NHSL1: variants seen among roughly 807,000 people sequenced by gnomAD.
NHSL1 encodes NHS like 1.
In NHSL1, 48 loss-of-function variants were observed where a neutral mutation model predicts 95.0. The observed-to-expected ratio is 0.51, with a 90% confidence interval of 0.40 to 0.64. The LOEUF is 0.64. Among genes scored for constraint, NHSL1 ranks in the 30% least tolerant of loss-of-function variants. NHSL1 has a pLI of 0.00. For synonymous variants in NHSL1, 783 were observed against 833.9 expected (o/e 0.94, Z 1.05); for missense variants, 1,971 against 2,077.7 (o/e 0.95, Z 1.00).
At chr6:138,621,496 GT>G (rs1237084422) in intron 1 of NHSL1, among the ~76,000 whole-genome samples, 1 of 149,968 alleles carries the variant, frequency 6.7e-6, no homozygotes, top group African/African-American at 2.5e-5. Context: ...CCCCCAAGAT[GT>G]AGCCTTGCTC....
At chr6:138,657,901 T>C (rs1455445270) in intron 1 of NHSL1, among the ~76,000 whole-genome samples, 5 of 148,836 alleles carry the variant, frequency 3.4e-5, no homozygotes, top group Admixed American at 2.0e-4. Flanking sequence ...AGTTTTAAGA[T>C]ATAATTAAAT....
intron 1 of NHSL1, among the ~76,000 whole-genome samples, chr6:138,670,781 A>C (rs950914445): frequency 1.3e-5 from 2 of 152,228 alleles, no homozygotes; most frequent in African/African-American, 4.8e-5. Context: ...CAAGAACAAC[A>C]AAACAAGCTC....
rs986803284 is a variant in NHSL1 at position 138,510,064 on chromosome 6, TCTAA to T, written c.17-13697_17-13694del. ...TGAAGGCAAATCAGATTTATCACTGTCTAACTTCTTCCCAATTAATAATCAATAA... is the reference window on the plus strand; with the variant it reads ...TGAAGGCAAATCAGATTTATCACTGTCTTCTTCCCAATTAATAATCAATAA... On this transcript the variant is annotated intron_variant, in intron 1 of 4. Transcript: ENST00000342260. Among the ~76,000 whole-genome samples the T allele has an allele frequency of 3.3e-5, 5 of 152,308 alleles. No individual in the cohort carries two copies. In the East Asian group the frequency reaches 5.8e-4, roughly 18 times the overall value.
In NHSL1 at chr6:138,431,816, G is replaced by C; in HGVS notation, c.2529C>G (p.His843Gln). ...ACCCACTGGATGGAGAAATGACTCT[G>C]TGTGACTTCTCTGGTGACATGATCT... ...KPKIMSPEKS[H>Q]RVISPSSGYS... The change falls in exon 6 of 8, where the codon CAC (histidine) becomes CAG (glutamine). Residue 843 changes from histidine to glutamine, a missense_variant. Around this residue, in one of 3 missense-constraint regions of NHSL1, gnomAD observed 1,602 missense variants for 1,654.5 expected, o/e 0.97. Coordinates refer to ENST00000343505, the MANE Select transcript of NHSL1 (RefSeq NM_001144060.2). The surrounding 1 kb of genome is among the most constrained non-coding windows in gnomAD (Gnocchi z 4.0). 6.4e-7 allele frequency: 1 copy of C among 1,551,722 alleles called. No individual in the cohort carries two copies. The highest frequency in any genetic ancestry group is 8.7e-7 in the Non-Finnish European group (1 of 1,146,984).
intron 1 of NHSL1, among the ~76,000 whole-genome samples, chr6:138,537,971 T>C (rs1360825093): frequency 6.6e-6 from 1 of 152,174 alleles, no homozygotes; most frequent in Admixed American, 6.5e-5. Context: ...ACATGGTAAG[T>C]GCTCATCAAC....
At chr6:138,467,709 T>A (rs1778484837) in intron 3 of NHSL1, among the ~76,000 whole-genome samples, 1 of 152,116 alleles carries the variant, frequency 6.6e-6, no homozygotes, top group Non-Finnish European at 1.5e-5. Context: ...TAGTGTTTAA[T>A]AAAAAAGTTT....
intron 1 of NHSL1, among the ~76,000 whole-genome samples, chr6:138,552,252 C>A (rs958208967): frequency 6.6e-6 from 1 of 152,150 alleles, no homozygotes; most frequent in Non-Finnish European, 1.5e-5. Flanking sequence ...AACCTCGTCT[C>A]TACTCAAAAT....
chr6:138,606,301 T>A (rs1193238771), intron 1 of NHSL1, among the ~76,000 whole-genome samples: 2 of 152,200 alleles, frequency 1.3e-5, no homozygotes, highest in Non-Finnish European at 2.9e-5. Context: ...CCATCTGCGA[T>A]AGAGTATGAT....
rs10687521 is a variant in NHSL1 at position 138,609,749 on chromosome 6, C to CAAAAAAAAAA, written c.96+82717_96+82726dup. On this transcript the variant is annotated intron_variant, in intron 1 of 3. Coordinates refer to the NHSL1 transcript ENST00000491526. ...TGGGAGACAGAGCAAGACTCTGTCTCAAAAAAAAAAAAAAAAATAGTGCTA... is the reference window on the plus strand; with the variant it reads ...TGGGAGACAGAGCAAGACTCTGTCTCAAAAAAAAAAAAAAAAAAAAAAAAAAATAGTGCTA... Among the ~76,000 whole-genome samples the CAAAAAAAAAA allele has an allele frequency of 1.3e-3, 139 of 106,182 alleles. 3 individuals carry two copies. The highest frequency in any genetic ancestry group is 4.1e-3 in the African/African-American group (117 of 28,226). 69.7% of individuals were successfully genotyped at this position (106,182 alleles called of 152,430 possible).
chr6:138,494,889 A>G (rs1780261476), intron 2 of NHSL1, among the ~76,000 whole-genome samples: 1 of 152,186 alleles, frequency 6.6e-6, no homozygotes, highest in South Asian at 2.1e-4. Flanking sequence ...TTGAAGAACT[A>G]CTTTCCTTCT....
upstream of NHSL1, among the ~76,000 whole-genome samples, chr6:138,574,424 A>T (rs190596462): frequency 2.0e-5 from 3 of 152,260 alleles, no homozygotes; most frequent in Admixed American, 2.0e-4. Flanking sequence ...TCACTGGTTC[A>T]CGAGACCCCC....
chr6:138,531,963 G>C (rs555317062), intron 1 of NHSL1, among the ~76,000 whole-genome samples: 37 of 152,080 alleles, frequency 2.4e-4, no homozygotes, highest in Non-Finnish European at 4.4e-4. Flanking sequence ...TACCCTCTAG[G>C]TTCTTATTGC....
intron 4 of NHSL1, among the ~76,000 whole-genome samples, chr6:138,445,020 G>C (rs1186262203): frequency 6.6e-6 from 1 of 152,022 alleles, no homozygotes; most frequent in East Asian, 1.9e-4. Context: ...CATTTTAAAG[G>C]CCTCTCTTTA....
intron 1 of NHSL1, among the ~76,000 whole-genome samples, chr6:138,560,664 A>C (rs9495132): frequency 0.02 from 2,986 of 152,276 alleles, 94 homozygotes; most frequent in African/African-American, 0.068. Flanking sequence ...ACAGCAACCA[A>C]ACTAAGCACC....
intron 2 of NHSL1, among the ~76,000 whole-genome samples, chr6:138,476,836 G>GA (rs1157190445): frequency 1.3e-5 from 2 of 149,738 alleles, no homozygotes; most frequent in Non-Finnish European, 3.0e-5. Context: ...TCAGAAAAAA[G>GA]AAAAAAAATT....
At chr6:138,438,631 C>G (rs1470283079) in intron 5 of NHSL1, among the ~76,000 whole-genome samples, 2 of 152,008 alleles carry the variant, frequency 1.3e-5, no homozygotes, top group Admixed American at 6.6e-5. Flanking sequence ...ACATAATGTA[C>G]AGAAATAATT....
intron 2 of NHSL1, among the ~76,000 whole-genome samples, chr6:138,473,683 C>T (rs1290695630): frequency 6.6e-6 from 1 of 152,024 alleles, no homozygotes; most frequent in African/African-American, 2.4e-5. Flanking sequence ...CACAACCATC[C>T]TGTGAGGTAG....
chr6:138,493,901 T>C (rs1780208646), intron 2 of NHSL1, among the ~76,000 whole-genome samples: 1 of 152,038 alleles, frequency 6.6e-6, no homozygotes, highest in Non-Finnish European at 1.5e-5. Context: ...ACGAATGCCA[T>C]TCTTCTTATT....
chr6:138,660,087 C>G (rs1157013136), intron 1 of NHSL1, among the ~76,000 whole-genome samples: 1 of 152,198 alleles, frequency 6.6e-6, no homozygotes, highest in Non-Finnish European at 1.5e-5. Flanking sequence ...ATTCCTCTTA[C>G]TCCGTGGCTG....
Sources: gnomAD v4.1 joint callset for allele counts (sites outside exome capture counted in the v4.1 genomes callset) on GRCh38, gnomAD v4.1.1 for gene constraint, gnomAD v4.1.1 regional missense constraint, Gnocchi (gnomAD v3.1) non-coding constraint, MANE v1.5 for transcripts, NCBI Gene and HGNC (gene_info 2026-07-23, HGNC 2026-07-21) for gene names.